Variants in ANGEL2 observed in about 807,000 individuals in gnomAD.
ANGEL2 encodes angel homolog 2, also known as RNA 2',3'-cyclic phosphatase ANGEL2.
In ANGEL2, 41 loss-of-function variants were observed where a neutral mutation model predicts 66.0. The observed-to-expected ratio is 0.62, with a 90% CI of 0.48 to 0.81. The LOEUF is 0.81. Among genes scored for constraint, ANGEL2 ranks in the 30% least tolerant of loss-of-function variants. The pLI, the probability that ANGEL2 is intolerant of heterozygous loss-of-function variation, is 0.00. For missense variants in ANGEL2, 561 were observed against 641.6 expected, an observed-to-expected ratio of 0.87 and a Z score of 1.36; for synonymous variants, 208 against 226.5, an observed-to-expected ratio of 0.92 and a Z score of 0.73.
At chr1:213,012,445 A>G (rs1196765442) in intron 2 of ANGEL2, among the ~76,000 whole-genome samples, 1 of 152,240 alleles carries the variant, frequency 6.6e-6, no homozygotes, top group Non-Finnish European at 1.5e-5. Flanking sequence ...TGAATTGTTC[A>G]GAGTAGAAAG....
chr1:212,993,059 C>G lies in ANGEL2; in HGVS notation c.*1982G>C, dbSNP rs1462506008. 2.0e-5 allele frequency: 3 copies of G among 152,206 alleles called. No homozygotes were observed. The highest frequency in any genetic ancestry group is 2.0e-4 in the Admixed American group (3 of 15,272). 9.4% of individuals were successfully genotyped at this position (152,206 alleles called of 1,614,324 possible). On this transcript the variant is annotated 3_prime_UTR_variant, in exon 9 of 9. Coordinates refer to ENST00000366962, the MANE Select transcript of ANGEL2 (RefSeq NM_144567.5). ...TGGTGGCTCATGCCTGTAATCACAG[C>G]ACTTTGGGAGCCCGAGGCGGGTGGA...
chr1:213,014,880 TCA>T (rs2076599032), intron 1 of ANGEL2, among the ~76,000 whole-genome samples: 1 of 152,210 alleles, frequency 6.6e-6, no homozygotes, highest in Non-Finnish European at 1.5e-5. Flanking sequence ...CGAGTCGGTT[TCA>T]CAGAGTACAC....
chr1:213,000,230 T>C (rs1449936685), intron 7 of ANGEL2, 96 bp downstream of exon 7: 14 of 1,202,494 alleles, frequency 1.2e-5, no homozygotes, highest in Non-Finnish European at 1.6e-5. Context: ...CACGGAATAC[T>C]ATCACCTTCA....
chr1:213,010,841 A>C (rs894369663), intron 2 of ANGEL2, among the ~76,000 whole-genome samples: 2 of 152,214 alleles, frequency 1.3e-5, no homozygotes, highest in African/African-American at 4.8e-5. Context: ...AAATGCATTA[A>C]GATTTTTATT....
rs567679004 is a variant in ANGEL2, at chr1:212,996,180, G to A, written c.1483+975C>T. ...AAATTAGCCGGGCATGGTGGCGGGC[G>A]CCTGTAGTCCCAGTGGCTCGGGAGG... is the stretch of plus-strand genomic sequence containing the variant. On this transcript the variant is annotated intron_variant, in intron 8 of 8. Transcript: ENST00000366962. 1.0e-3 allele frequency among the ~76,000 whole-genome samples: 152 copies of A among 152,220 alleles called. 1 individual carries two copies. Among genetic ancestry groups the A allele is most frequent in the African/African-American group, 2.6e-3 (109 of 41,546 alleles).
At chr1:213,011,593 G>A in intron 2 of ANGEL2, 1 of 413,084 alleles carries the variant, frequency 2.4e-6, no homozygotes, top group South Asian at 8.0e-5. Context: ...AGTGTGTTAG[G>A]CACTTTGACA....
At position 213,008,358 on chromosome 1, in the gene ANGEL2, A is replaced by C; in HGVS notation, c.494T>G (p.Phe165Cys). 1 of 1,614,206 alleles carries C rather than the reference A, an allele frequency of 6.2e-7. No individual in the cohort carries two copies. The highest frequency in any genetic ancestry group is 1.1e-5 in the South Asian group (1 of 91,080). Residue 165 changes from phenylalanine to cysteine, a missense_variant, in exon 3 of 9, where the codon TTT (phenylalanine) becomes TGT (cysteine). Coordinates refer to ENST00000366962, the MANE Select transcript of ANGEL2 (RefSeq NM_144567.5). ...ATTATAGGACATCACTGAAAAGTCA[A>C]ACTTGTTCTCACTGTCTTCACATTT... ...DPKCEDSENK[F>C]DFSVMSYNIL...
At chr1:213,015,248 C>T in intron 1 of ANGEL2, 2 of 1,084,190 alleles carry the variant, frequency 1.8e-6, no homozygotes, top group Non-Finnish European at 2.2e-6. Context: ...GCCTCCCCGC[C>T]GACGCTCGGT....
chr1:212,998,657 G>C (rs940492946), intron 7 of ANGEL2, among the ~76,000 whole-genome samples: 4 of 149,464 alleles, frequency 2.7e-5, no homozygotes, highest in Non-Finnish European at 4.4e-5. Flanking sequence ...GAGTAGCTGG[G>C]ACTACAGGCG....
rs1558168752 is a variant in ANGEL2 at position 212,997,304 on chromosome 1, A to C, written c.1334T>G (p.Leu445Ter). ...LVTAEKLSSN[L>*]QHHFSLSSVY... ...AGATGACAAACTGAAATGGTGCTGT[A>C]AATTTGAAGACAATCTAAATAGAAA... Residue 445 changes from leucine to a stop codon, truncating the protein, a stop_gained, in exon 8 of 9, where the codon TTA becomes TGA. Coordinates refer to ENST00000366962, the MANE Select transcript of ANGEL2 (RefSeq NM_144567.5). LOFTEE classifies it high-confidence loss of function. 1 of 1,608,028 alleles carries C rather than the reference A, an allele frequency of 6.2e-7. No individual in the cohort carries two copies. Among genetic ancestry groups the C allele is most frequent in the Non-Finnish European group, 8.5e-7 (1 of 1,175,398 alleles).
At chr1:212,996,981 T>C (rs1190315307) in intron 8 of ANGEL2, among the ~76,000 whole-genome samples, 174 bp downstream of exon 8, 12 of 152,186 alleles carry the variant, frequency 7.9e-5, no homozygotes, top group Admixed American at 7.2e-4. Context: ...CTCCCTCATA[T>C]GCAAGTAATC....
At chr1:212,999,006 G>C (rs1033031906) in intron 7 of ANGEL2, among the ~76,000 whole-genome samples, 1 of 151,894 alleles carries the variant, frequency 6.6e-6, no homozygotes, top group African/African-American at 2.4e-5. Flanking sequence ...CAGCCTACCT[G>C]GGATTACACG....
chr1:212,996,661 ATATATATATAC>A, intron 8 of ANGEL2, among the ~76,000 whole-genome samples: 1 of 138,944 alleles, frequency 7.2e-6, no homozygotes, highest in Admixed American at 7.4e-5. Flanking sequence ...ATATATATAT[ATATATATATAC>A]TTTTCCTCCT....
At chr1:212,995,887 T>C (rs1330626678) in intron 8 of ANGEL2, among the ~76,000 whole-genome samples, 1 of 151,896 alleles carries the variant, frequency 6.6e-6, no homozygotes, top group East Asian at 1.9e-4. Context: ...GAGAAAAAAA[T>C]GAAAAAAATC....
intron 5 of ANGEL2, among the ~76,000 whole-genome samples, chr1:213,002,497 G>A (rs923137886): frequency 6.6e-6 from 1 of 152,188 alleles, no homozygotes; most frequent in Non-Finnish European, 1.5e-5. Context: ...TTAACTTAAA[G>A]TAACAAGCTA....
intron 1 of ANGEL2, 163 bp downstream of exon 1, chr1:213,015,450 G>T: frequency 7.0e-7 from 1 of 1,434,104 alleles, no homozygotes; most frequent in South Asian, 1.5e-5. Context: ...TATCCCGCTT[G>T]GTCTCTGGAG....
intron 8 of ANGEL2, among the ~76,000 whole-genome samples, chr1:212,996,245 T>C (rs975423548): frequency 3.3e-5 from 5 of 152,260 alleles, no homozygotes; most frequent in East Asian, 1.9e-4. Context: ...AGGCGGAGCT[T>C]GCAGTGAGCT....
intron 4 of ANGEL2, 127 bp from the exon 5 acceptor site, chr1:213,005,581 T>C (rs940507315): frequency 3.0e-5 from 31 of 1,026,892 alleles, no homozygotes; most frequent in Non-Finnish European, 4.2e-5. Context: ...ATGTAGGATG[T>C]CAATAAACAT....
In ANGEL2 at chr1:213,005,040, A is replaced by G; in HGVS notation, c.1127T>C (p.Ile376Thr). ...EGKLNYEGLP[I>T]GKVSGQEQSS... ...AATGAAGAAAGCACTTACCTTTCCT[A>G]TGGGAAGTCCTTCATAATTCAATTT... The change falls in exon 5 of 9, where the codon ATA becomes ACA. Residue 376 changes from isoleucine (I) to threonine (T), a missense_variant. Ile to Thr is a moderately conservative substitution (Grantham distance 89). Coordinates refer to ENST00000366962, the MANE Select transcript of ANGEL2 (RefSeq NM_144567.5). 1 of 1,554,158 alleles carries G rather than the reference A, an allele frequency of 6.4e-7. No individual in the cohort carries two copies. Among genetic ancestry groups the G allele is most frequent in the East Asian group, 2.2e-5 (1 of 44,576 alleles).
Sources: allele counts gnomAD v4.1 joint callset (sites outside exome capture counted in the v4.1 genomes callset), GRCh38; gene constraint gnomAD v4.1.1; transcripts MANE v1.5; gene names NCBI Gene and HGNC (gene_info 2026-07-23, HGNC 2026-07-21).